The following TNIK variants were observed in gnomAD, a reference collection of about 807,000 sequenced individuals.
The protein encoded by TNIK is TRAF2 and NCK interacting kinase.
TNIK carries 49 observed loss-of-function variants against 191.3 expected under a neutral mutation model. The ratio of observed to expected loss-of-function variants is 0.26; its 90% CI spans 0.20 to 0.32. TNIK has a LOEUF of 0.32. Among genes scored for constraint, TNIK ranks in the 10% least tolerant of loss-of-function variants. The pLI is 1.00. For synonymous variants in TNIK, 594 were observed against 600.9 expected (o/e 0.99, Z 0.17); for missense variants, 1,155 against 1,702.3 (o/e 0.68, Z 5.66).
chr3:171,318,883 C>T (rs935701187), intron 2 of TNIK, among the ~76,000 whole-genome samples: 17 of 152,098 alleles, frequency 1.1e-4, no homozygotes, highest in Admixed American at 7.2e-4. Context: ...AATTACATGC[C>T]GGCCAGCATG....
chr3:171,294,795 T>A (rs1752077977), intron 2 of TNIK, among the ~76,000 whole-genome samples: 1 of 152,106 alleles, frequency 6.6e-6, no homozygotes, highest in Admixed American at 6.5e-5. Context: ...TTGTAGTAAA[T>A]AGTTCTAATT....
chr3:171,448,335 T>C (rs1727761866), intron 1 of TNIK, among the ~76,000 whole-genome samples: 1 of 152,242 alleles, frequency 6.6e-6, no homozygotes, highest in South Asian at 2.1e-4. Flanking sequence ...TGGATTTGCT[T>C]ATTCCAGACA....
intron 2 of TNIK, among the ~76,000 whole-genome samples, chr3:171,365,287 A>C (rs1715580952): frequency 7.2e-6 from 1 of 139,738 alleles, no homozygotes; most frequent in Non-Finnish European, 1.5e-5. Flanking sequence ...CGTTCAAGTG[A>C]TTTTCCTGCG....
At chr3:171,388,185 C>A (rs1056376923) in intron 1 of TNIK, among the ~76,000 whole-genome samples, 1 of 152,202 alleles carries the variant, frequency 6.6e-6, no homozygotes, top group Non-Finnish European at 1.5e-5. Flanking sequence ...GGCATGACTG[C>A]CCTCAGCTTC....
chr3:171,240,347 A>G (rs1000275547), intron 2 of TNIK, among the ~76,000 whole-genome samples: 1 of 152,188 alleles, frequency 6.6e-6, no homozygotes, highest in African/African-American at 2.4e-5. Context: ...GCTTTGAAAG[A>G]GGTATGAGGT....
chr3:171,381,118 A>G (rs9833548), intron 1 of TNIK, among the ~76,000 whole-genome samples: 59,269 of 151,738 alleles, frequency 0.39, 13,402 homozygotes, highest in East Asian at 0.91. Flanking sequence ...ATACAAATTT[A>G]TTTGCTTGCT....
At chr3:171,272,091 C>T (rs73030907) in intron 2 of TNIK, among the ~76,000 whole-genome samples, 8 of 152,324 alleles carry the variant, frequency 5.3e-5, no homozygotes, top group Non-Finnish European at 8.8e-5. Context: ...AAAGGCACTA[C>T]GTGATGACAG....
intron 27 of TNIK, among the ~76,000 whole-genome samples, chr3:171,081,399 AAAC>A (rs1395306621): frequency 1.3e-5 from 2 of 151,636 alleles, no homozygotes; most frequent in Non-Finnish European, 2.9e-5. Flanking sequence ...CCATGTTCTC[AAAC>A]TTGGCTGTAC....
rs569218369 is a variant in TNIK at position 171,348,707 on chromosome 3, C to T, written c.123+20913G>A. ...CCCACGGAGGCAAAAATGGGGAGGG[C>T]CTACAACAGTCATACTACAGCACCG... On this transcript the variant is annotated intron_variant, in intron 2 of 32. Transcript: ENST00000436636. 7.2e-5 allele frequency among the ~76,000 whole-genome samples: 11 copies of T among 152,068 alleles called. No homozygotes were observed. In the East Asian group the frequency reaches 1.4e-3, roughly 19 times the overall value.
At chr3:171,270,190 G>A (rs888308277) in intron 2 of TNIK, among the ~76,000 whole-genome samples, 2 of 152,126 alleles carry the variant, frequency 1.3e-5, no homozygotes, top group Non-Finnish European at 2.9e-5. Context: ...CCACAGTTGG[G>A]TAGGTCACTC....
At chr3:171,253,151 GCAGGTGCCTATAGTCC>G (rs1746435322) in intron 2 of TNIK, among the ~76,000 whole-genome samples, 1 of 151,672 alleles carries the variant, frequency 6.6e-6, no homozygotes, top group African/African-American at 2.4e-5. Context: ...GGGCGTGGTG[GCAGGTGCCTATAGTCC>G]CAGCTGCTTG....
Position 171,152,784 on chromosome 3 carries a change from T to G in TNIK, c.1221+4676A>C, listed in dbSNP as rs925969929. The stretch of plus-strand genomic sequence containing the variant: ...TTTGTTTTTTGTTTTTTGTTTTTTT[T>G]TTTTTGAGACGGAGTCTTGCTCTGT... On this transcript the variant is annotated intron_variant, in intron 12 of 32. Transcript: ENST00000436636. Among the ~76,000 whole-genome samples, 121 of 151,244 alleles carry G rather than the reference T, an allele frequency of 8.0e-4. 1 individual carries two copies. The highest frequency in any genetic ancestry group is 2.8e-3 in the African/African-American group (115 of 40,808).
chr3:171,156,604 T>C, intron 12 of TNIK, among the ~76,000 whole-genome samples: 1 of 151,982 alleles, frequency 6.6e-6, no homozygotes, highest in East Asian at 1.9e-4. Flanking sequence ...GAAGGAGGCC[T>C]GAGATATCTG....
chr3:171,349,253 A>T (rs1712754370), intron 2 of TNIK, among the ~76,000 whole-genome samples: 1 of 152,218 alleles, frequency 6.6e-6, no homozygotes, highest in African/African-American at 2.4e-5. Context: ...GTGCTTATTT[A>T]TATTTTAAAT....
At chr3:171,252,662 A>G (rs1746374417) in intron 2 of TNIK, among the ~76,000 whole-genome samples, 1 of 152,214 alleles carries the variant, frequency 6.6e-6, no homozygotes, top group Non-Finnish European at 1.5e-5. Flanking sequence ...ATCATTGCAT[A>G]GCATTGGTTC....
intron 23 of TNIK, among the ~76,000 whole-genome samples, chr3:171,089,293 T>C (rs1028837525): frequency 1.1e-4 from 16 of 152,220 alleles, no homozygotes; most frequent in African/African-American, 2.7e-4. Flanking sequence ...CATTTCCTTT[T>C]CTAAATGACA....
In TNIK at chr3:171,139,932, T is replaced by C. The variant is rs138431048; in HGVS notation, c.1333-376A>G. On this transcript the variant is annotated intron_variant, in intron 13 of 32. Coordinates refer to ENST00000436636, the MANE Select transcript of TNIK (RefSeq NM_015028.4). ...GTGCAAGCAGCAGGAATAAGACAAC[T>C]GTTGAATGCCATCGTGCACTGTCTT... Among the ~76,000 whole-genome samples, 520 of 152,290 alleles carry C rather than the reference T, an allele frequency of 3.4e-3. 1 individual carries two copies. Among genetic ancestry groups the C allele is most frequent in the South Asian group, 0.013 (63 of 4,822 alleles).
Position 171,241,114 on chromosome 3 carries a change from T to C in TNIK, c.124-12893A>G, listed in dbSNP as rs139322966. ...GGCACGATCTTGGCTCACCGCAACC[T>C]CCACCTCCCAGTTTCAAGAGATTCT... On this transcript the variant is annotated intron_variant, in intron 2 of 32. Coordinates refer to ENST00000436636, the MANE Select transcript of TNIK (RefSeq NM_015028.4). 6.7e-4 allele frequency among the ~76,000 whole-genome samples: 101 copies of C among 151,692 alleles called. No homozygotes were observed. In the East Asian group the frequency reaches 0.018, roughly 28 times the overall value.
At chr3:171,143,097 A>G (rs550496253) in intron 12 of TNIK, among the ~76,000 whole-genome samples, 1 of 152,186 alleles carries the variant, frequency 6.6e-6, no homozygotes, top group Admixed American at 6.5e-5. Flanking sequence ...ACTCAAAAGT[A>G]ACTAATAATT....
Sources: allele counts gnomAD v4.1 joint callset (sites outside exome capture counted in the v4.1 genomes callset), GRCh38; gene constraint gnomAD v4.1.1; transcripts MANE v1.5; gene names NCBI Gene and HGNC (gene_info 2026-07-23, HGNC 2026-07-21).